Variants in MBD5 observed in about 807,000 individuals in gnomAD.
The protein encoded by MBD5 is methyl-CpG-binding domain protein 5.
Under a neutral mutation model 117.3 loss-of-function variants are expected in MBD5, and 13 were observed. The observed-to-expected ratio is 0.11, with a 90% CI of 0.07 to 0.18. The LOEUF is 0.18. MBD5 is among the 10% of genes least tolerant of loss of function. The pLI is 1.00. For missense variants in MBD5, 1,879 were observed against 2,093.8 expected, an observed-to-expected ratio of 0.90 and a Z score of 2.00; for synonymous variants, 727 against 766.4, an observed-to-expected ratio of 0.95 and a Z score of 0.85.
At chr2:148,177,463 C>CT (rs1186229514) in intron 1 of MBD5, among the ~76,000 whole-genome samples, 1 of 152,152 alleles carries the variant, frequency 6.6e-6, no homozygotes, top group Admixed American at 6.5e-5. Flanking sequence ...ATCCTTGTAT[C>CT]TAAGATATTA....
intron 1 of MBD5, among the ~76,000 whole-genome samples, chr2:148,152,223 G>T (rs1460511759): frequency 6.6e-6 from 1 of 152,198 alleles, no homozygotes; most frequent in Non-Finnish European, 1.5e-5. Context: ...GGAGCAGGTT[G>T]TTCAGCTTCC....
chr2:148,491,007 A>G (rs997012212), intron 11 of MBD5, among the ~76,000 whole-genome samples: 3 of 152,180 alleles, frequency 2.0e-5, no homozygotes, highest in Non-Finnish European at 4.4e-5. Flanking sequence ...CCCCCAGGCA[A>G]TGGTTGCGCC....
At chr2:148,313,674 G>C (rs1410804463) in intron 3 of MBD5, among the ~76,000 whole-genome samples, 1 of 152,152 alleles carries the variant, frequency 6.6e-6, no homozygotes, top group African/African-American at 2.4e-5. Flanking sequence ...GGCATTCCAG[G>C]CACCACTGGG....
At chr2:148,312,327 T>C (rs1702052642) in intron 3 of MBD5, among the ~76,000 whole-genome samples, 1 of 152,240 alleles carries the variant, frequency 6.6e-6, no homozygotes, top group Admixed American at 6.5e-5. Flanking sequence ...GTCCCATATT[T>C]CTTGGAGGCT....
intron 3 of MBD5, among the ~76,000 whole-genome samples, chr2:148,266,433 T>A (rs1700862266): frequency 6.6e-6 from 1 of 151,884 alleles, no homozygotes; most frequent in African/African-American, 2.4e-5. Flanking sequence ...AAGAAAAAAA[T>A]TTTAAGAATA....
intron 4 of MBD5, among the ~76,000 whole-genome samples, chr2:148,439,190 A>C (rs908183430): frequency 6.6e-6 from 1 of 152,120 alleles, no homozygotes; most frequent in Non-Finnish European, 1.5e-5. Flanking sequence ...TGAAATTTTA[A>C]GTTTTTGGGA....
At chr2:148,313,800 G>A (rs1702091785) in intron 3 of MBD5, among the ~76,000 whole-genome samples, 1 of 152,168 alleles carries the variant, frequency 6.6e-6, no homozygotes, top group East Asian at 1.9e-4. Flanking sequence ...CTGGTCTGCA[G>A]GTTGTGAAGA....
intron 4 of MBD5, among the ~76,000 whole-genome samples, chr2:148,403,523 G>T (rs564502878): frequency 3.9e-5 from 6 of 152,110 alleles, no homozygotes; most frequent in South Asian, 2.1e-4. Context: ...CTAAAAATCT[G>T]TGTCAGTTCT....
intron 1 of MBD5, among the ~76,000 whole-genome samples, chr2:148,024,138 G>A (rs1693838297): frequency 6.6e-6 from 1 of 151,964 alleles, no homozygotes; most frequent in South Asian, 2.1e-4. Context: ...CCACTTGAGG[G>A]TTTCATATGG....
intron 4 of MBD5, among the ~76,000 whole-genome samples, chr2:148,428,428 A>G (rs2105321849): frequency 6.6e-6 from 1 of 152,324 alleles, no homozygotes; most frequent in South Asian, 2.1e-4. Context: ...GCCCAAAGTA[A>G]TTTATAGATT....
chr2:148,267,260 A>T (rs1317081928), intron 3 of MBD5, among the ~76,000 whole-genome samples: 3 of 152,148 alleles, frequency 2.0e-5, no homozygotes, highest in Admixed American at 2.0e-4. Context: ...AGAAAGTTAC[A>T]GTTTGTTTTA....
intron 7 of MBD5, among the ~76,000 whole-genome samples, chr2:148,465,179 TG>T (rs1020571177): frequency 6.6e-6 from 1 of 152,188 alleles, no homozygotes; most frequent in African/African-American, 2.4e-5. Flanking sequence ...AAACACATTT[TG>T]CTAGGAATAC....
chr2:148,089,362 A>G (rs1422493386), intron 1 of MBD5, among the ~76,000 whole-genome samples: 2 of 152,144 alleles, frequency 1.3e-5, no homozygotes, highest in African/African-American at 4.8e-5. Context: ...AGATATTTGC[A>G]GAACATTATA....
intron 4 of MBD5, among the ~76,000 whole-genome samples, chr2:148,457,493 A>G (rs897159891): frequency 3.3e-5 from 5 of 152,158 alleles, no homozygotes; most frequent in African/African-American, 1.2e-4. Context: ...CTCAATCAAG[A>G]TAACTTTTAT....
intron 1 of MBD5, among the ~76,000 whole-genome samples, chr2:148,085,608 C>T (rs917056480): frequency 4.6e-5 from 7 of 150,796 alleles, no homozygotes; most frequent in Non-Finnish European, 8.9e-5. Flanking sequence ...CCTGTAGTCC[C>T]AGCTACTTGG....
intron 1 of MBD5, among the ~76,000 whole-genome samples, chr2:148,176,276 GA>G (rs1289730050): frequency 7.1e-6 from 1 of 141,330 alleles, no homozygotes; most frequent in Non-Finnish European, 1.5e-5. Context: ...CAAAGACTCA[GA>G]TAATTACCTC....
At chr2:148,446,834 T>C (rs1435043158) in intron 4 of MBD5, among the ~76,000 whole-genome samples, 5 of 151,818 alleles carry the variant, frequency 3.3e-5, no homozygotes, top group African/African-American at 1.2e-4. Flanking sequence ...CCCTGATGAC[T>C]AGGAGAAAGT....
At position 148,384,016 on chromosome 2, in the gene MBD5, CA is replaced by C. The variant is rs1370427346; in HGVS notation, c.-557+41685del. ...CACAGCCAATATCATACTGAATGGACAAAAACTGGAAGCATTCCCTTTGAAA... is the reference window on the plus strand; with the variant it reads ...CACAGCCAATATCATACTGAATGGACAAAACTGGAAGCATTCCCTTTGAAA... On this transcript the variant is annotated intron_variant, in intron 4 of 13. Coordinates refer to ENST00000642680, the MANE Select transcript of MBD5 (RefSeq NM_001378120.1). 2.3e-4 allele frequency among the ~76,000 whole-genome samples: 35 copies of C among 152,206 alleles called. No homozygotes were observed. The East Asian group carries it at 6.2e-3, about 27-fold the overall frequency.
chr2:148,411,650 T>C (rs1705253598), intron 4 of MBD5, among the ~76,000 whole-genome samples: 1 of 151,954 alleles, frequency 6.6e-6, no homozygotes, highest in South Asian at 2.1e-4. Flanking sequence ...TTGGAAGTCT[T>C]CTTTTGCAAA....
Sources: gnomAD v4.1 joint callset for allele counts (sites outside exome capture counted in the v4.1 genomes callset) on GRCh38, gnomAD v4.1.1 for gene constraint, MANE v1.5 for transcripts, NCBI Gene and HGNC (gene_info 2026-07-23, HGNC 2026-07-21) for gene names.